Variants in DYNC1LI2 observed in about 807,000 individuals in gnomAD.
The protein encoded by DYNC1LI2 is cytoplasmic dynein 1 light intermediate chain 2.
DYNC1LI2 carries 19 observed loss-of-function variants against 57.8 expected under a neutral mutation model. That is an observed-to-expected ratio of 0.33 (90% CI 0.23 to 0.48). The LOEUF is 0.48. Among genes scored for constraint, DYNC1LI2 ranks in the 20% least tolerant of loss-of-function variants. The probability of loss-of-function intolerance (pLI) is 0.99; values close to 1 mark genes in which losing one functional copy is unlikely to be tolerated. For synonymous variants in DYNC1LI2, 256 were observed against 233.4 expected (o/e 1.10, Z -0.88); for missense variants, 470 against 604.2 (o/e 0.78, Z 2.33).
At chr16:66,738,638 A>G (rs1011124201) in intron 4 of DYNC1LI2, among the ~76,000 whole-genome samples, 1 of 151,946 alleles carries the variant, frequency 6.6e-6, no homozygotes, top group Admixed American at 6.5e-5. Context: ...GAACTGTGGC[A>G]GGCCAAGGCG....
intron 4 of DYNC1LI2, among the ~76,000 whole-genome samples, chr16:66,741,900 A>C (rs1323777812): frequency 1.6e-5 from 1 of 61,602 alleles, no homozygotes; most frequent in African/African-American, 5.1e-5. Flanking sequence ...TTAATTACAA[A>C]AAAAAAAAAA....
chr16:66,740,724 G>A (rs113025541), intron 4 of DYNC1LI2, among the ~76,000 whole-genome samples: 140 of 152,306 alleles, frequency 9.2e-4, no homozygotes, highest in African/African-American at 3.2e-3. Context: ...ACTGGAACAC[G>A]GATGTGAAGG....
chr16:66,735,379 G>A (rs999106862), intron 5 of DYNC1LI2, among the ~76,000 whole-genome samples: 3 of 152,060 alleles, frequency 2.0e-5, no homozygotes, highest in Non-Finnish European at 2.9e-5. Context: ...GGGATTACAT[G>A]AGCCACCATG....
At chr16:66,736,046 A>G in intron 5 of DYNC1LI2, 29 bp downstream of exon 5, 2 of 1,602,536 alleles carry the variant, frequency 1.2e-6, no homozygotes, top group African/African-American at 1.3e-5. Context: ...ACCCGAACCC[A>G]GCCAAGCCAA....
chr16:66,746,195 G>A (rs1320056508), intron 3 of DYNC1LI2, among the ~76,000 whole-genome samples: 5 of 151,866 alleles, frequency 3.3e-5, no homozygotes, highest in Admixed American at 2.6e-4. Context: ...CACAGGCATG[G>A]TTCCTTTTTT....
chr16:66,750,614 T>C (rs1244241819), intron 2 of DYNC1LI2, among the ~76,000 whole-genome samples: 1 of 152,182 alleles, frequency 6.6e-6, no homozygotes. Context: ...AATACATCTG[T>C]CTTCCACCAG....
chr16:66,734,273 G>A lies in DYNC1LI2; in HGVS notation c.738C>T (p.Tyr246=), dbSNP rs2017690199. 1 of 1,614,006 alleles carries A rather than the reference G, an allele frequency of 6.2e-7. No individual in the cohort carries two copies. The highest frequency in any genetic ancestry group is 1.3e-5 in the African/African-American group (1 of 74,906). The change falls in exon 6 of 13, where the codon TAC becomes TAT. Residue 246 remains tyrosine, a synonymous_variant. Transcript: ENST00000258198. ...AVSVLEKEHD[Y]RDEHLDFIQS... is the part of the protein sequence containing the mutation. ...GGATAAAGTCCAAATGCTCATCCCT[G>A]TAATCGTGCTCCTTCTCCAGGACAC... is the stretch of plus-strand genomic sequence containing the variant.
rs757970914 is a variant in DYNC1LI2, at chr16:66,751,299, G to A, written c.155C>T (p.Pro52Leu). Residue 52 changes from proline (P) to leucine (L), a missense_variant, in exon 2 of 13, where the codon CCG becomes CTG. Pro to Leu is a moderately conservative substitution (Grantham distance 98). Transcript: ENST00000258198. The surrounding 1 kb of genome is among the most constrained non-coding windows in gnomAD (Gnocchi z 5.2). ...EVSTRARSKL[P>L]SGKNILVFGE... ...GAAGACCAGGATGTTCTTGCCGGACGGCAGCTTGGACCTGGCGCGGGTGGA... is the reference window on the plus strand; with the variant it reads ...GAAGACCAGGATGTTCTTGCCGGACAGCAGCTTGGACCTGGCGCGGGTGGA... The A allele has an allele frequency of 6.2e-7, 1 of 1,612,200 alleles. No individual in the cohort carries two copies. The highest frequency in any genetic ancestry group is 8.5e-7 in the Non-Finnish European group (1 of 1,179,184).
intron 9 of DYNC1LI2, 57 bp downstream of exon 9, chr16:66,728,983 G>C: frequency 1.9e-6 from 3 of 1,591,276 alleles, no homozygotes; most frequent in Non-Finnish European, 1.7e-6. Context: ...CCCCACCCTA[G>C]GGACTGGCAT....
intron 4 of DYNC1LI2, chr16:66,738,171 A>C (rs918590280): frequency 1.3e-5 from 2 of 151,944 alleles, no homozygotes; most frequent in Non-Finnish European, 2.9e-5. Context: ...CTTTCATGTA[A>C]CAGTGAGCAA....
At chr16:66,749,794 T>C (rs1316363976) in intron 2 of DYNC1LI2, among the ~76,000 whole-genome samples, 1 of 152,246 alleles carries the variant, frequency 6.6e-6, no homozygotes, top group Non-Finnish European at 1.5e-5. Context: ...CTTTTGATTT[T>C]AGTACATCTC....
chr16:66,744,180 T>G (rs2017895503), intron 3 of DYNC1LI2, among the ~76,000 whole-genome samples: 1 of 152,050 alleles, frequency 6.6e-6, no homozygotes, highest in South Asian at 2.1e-4. Flanking sequence ...GCCTTCCAAG[T>G]AGCTGGGACT....
rs774052429 is a variant in DYNC1LI2, at chr16:66,751,592, C to T, written c.-1G>A. 1 of 1,574,248 alleles carries T rather than the reference C, an allele frequency of 6.4e-7. No individual in the cohort carries two copies. The highest frequency in any genetic ancestry group is 8.6e-7 in the Non-Finnish European group (1 of 1,163,198). On this transcript the variant is annotated 5_prime_UTR_variant, in exon 1 of 13. Transcript: ENST00000258198. This position sits in a 1 kb window ranked among gnomAD's most constrained non-coding sequence, Gnocchi z 5.2. ...TCTTCTCCACCCCCACCGGCGCCAT[C>T]TTGCCAACTGCAGCCACAAAGAGGG...
intron 4 of DYNC1LI2, 112 bp downstream of exon 4, chr16:66,742,321 CAAACA>C: frequency 9.7e-7 from 1 of 1,030,570 alleles, no homozygotes; most frequent in Non-Finnish European, 1.4e-6. Context: ...ATAAATGGTG[CAAACA>C]AAACAAAACC....
At chr16:66,727,096 T>C (rs1207324520) in intron 11 of DYNC1LI2, among the ~76,000 whole-genome samples, 1 of 152,130 alleles carries the variant, frequency 6.6e-6, no homozygotes, top group Non-Finnish European at 1.5e-5. Context: ...TTTTCAATAT[T>C]CTGTAGAGGC....
chr16:66,750,346 A>G (rs769410650), intron 2 of DYNC1LI2, among the ~76,000 whole-genome samples: 1 of 152,172 alleles, frequency 6.6e-6, no homozygotes, highest in Non-Finnish European at 1.5e-5. Context: ...GGTGAGATAA[A>G]AGCCATTTGA....
Position 66,723,108 on chromosome 16 carries a change from C to T in DYNC1LI2, c.*614G>A, listed in dbSNP as rs2017476830. On this transcript the variant is annotated 3_prime_UTR_variant, in exon 13 of 13. Coordinates refer to ENST00000258198, the MANE Select transcript of DYNC1LI2 (RefSeq NM_006141.3). ...GTACATCTTTCGTAAGTTAAAGATG[C>T]ATTCAAAATAAGCCTAATTCCCATT... 8.7e-6 allele frequency: 3 copies of T among 343,762 alleles called. No individual in the cohort carries two copies. The highest frequency in any genetic ancestry group is 6.9e-5 in the South Asian group (3 of 43,708). The allele number at this position is 343,762 out of a possible 1,614,324, so 21.3% of individuals were successfully genotyped here.
chr16:66,727,800 A>T lies in DYNC1LI2; in HGVS notation c.1149T>A (p.Ser383=). The T allele has an allele frequency of 6.2e-7, 1 of 1,611,080 alleles. No individual in the cohort carries two copies. The highest frequency in any genetic ancestry group is 8.5e-7 in the Non-Finnish European group (1 of 1,178,826). The change falls in exon 11 of 13, where the codon TCT becomes TCA. Residue 383 remains serine (S), a synonymous_variant. Transcript: ENST00000258198. The stretch of plus-strand genomic sequence containing the variant: ...GAGAGCCAGAGGGTCCTCTTGCAGG[A>T]GATTCCTAAGTCCAAAAGCAGCTAA... ...QPATPTRASE[S]PARGPSGSPR...
At chr16:66,728,166 G>C (rs766297870) in intron 10 of DYNC1LI2, 35 bp downstream of exon 10, 1 of 1,613,718 alleles carries the variant, frequency 6.2e-7, no homozygotes, top group Non-Finnish European at 8.5e-7. Flanking sequence ...CCACAACACT[G>C]GGCCTTGACC....
Sources: gnomAD v4.1 joint callset for allele counts (sites outside exome capture counted in the v4.1 genomes callset) on GRCh38, gnomAD v4.1.1 for gene constraint, Gnocchi (gnomAD v3.1) non-coding constraint, MANE v1.5 for transcripts, NCBI Gene and HGNC (gene_info 2026-07-23, HGNC 2026-07-21) for gene names.